The following ZFHX4 variants were observed in gnomAD, a reference collection of about 807,000 sequenced individuals.
ZFHX4 encodes zinc finger homeobox 4.
A neutral mutation model predicts 267.6 loss-of-function variants in ZFHX4; 56 were observed. The ratio of observed to expected loss-of-function variants is 0.21; its 90% CI spans 0.17 to 0.26. The LOEUF is 0.26. Ranked by LOEUF, ZFHX4 falls within the 10% of genes least tolerant of loss-of-function variation. The pLI is 1.00. For missense variants in ZFHX4, 4,332 were observed against 4,420.0 expected (o/e 0.98, Z 0.56); for synonymous variants, 1,778 against 1,665.6 (o/e 1.07, Z -1.64).
intron 3 of ZFHX4, among the ~76,000 whole-genome samples, chr8:76,758,505 T>G (rs1036083275): frequency 3.3e-5 from 5 of 151,830 alleles, no homozygotes; most frequent in Non-Finnish European, 7.4e-5. Context: ...TGTTTGTTTG[T>G]TTTTTTTGAG....
chr8:76,720,963 T>G (rs1808704591), intron 3 of ZFHX4, among the ~76,000 whole-genome samples: 1 of 152,124 alleles, frequency 6.6e-6, no homozygotes, highest in African/African-American at 2.4e-5. Flanking sequence ...GCACCCACGT[T>G]GTTAAATAGA....
intron 4 of ZFHX4, among the ~76,000 whole-genome samples, chr8:76,802,349 G>A (rs1811137380): frequency 6.6e-6 from 1 of 152,144 alleles, no homozygotes; most frequent in South Asian, 2.1e-4. Context: ...ATACAATCGT[G>A]TTTGGCTTGC....
intron 4 of ZFHX4, among the ~76,000 whole-genome samples, chr8:76,805,118 A>G (rs1811213283): frequency 1.3e-5 from 2 of 152,150 alleles, no homozygotes; most frequent in Non-Finnish European, 2.9e-5. Flanking sequence ...GTAAGAAAGT[A>G]GTCCTCATGC....
intron 3 of ZFHX4, among the ~76,000 whole-genome samples, chr8:76,771,856 G>C (rs7010493): frequency 5.9e-5 from 9 of 152,122 alleles, no homozygotes; most frequent in African/African-American, 1.7e-4. Context: ...AGGACTTTGC[G>C]ATAATTTAGA....
chr8:76,820,377 A>C (rs1811617562), intron 4 of ZFHX4, among the ~76,000 whole-genome samples: 1 of 152,098 alleles, frequency 6.6e-6, no homozygotes, highest in African/African-American at 2.4e-5. Context: ...TGCTGTTATC[A>C]TGTATTGTAA....
Position 76,705,492 on chromosome 8 carries a change from A to T in ZFHX4, c.1404A>T (p.Glu468Asp), listed in dbSNP as rs1051317403. Residue 468 changes from glutamate to aspartate, a missense_variant, in exon 2 of 11, where the codon GAA becomes GAT. Around this residue, in one of 7 missense-constraint regions of ZFHX4, gnomAD observed 1,195 missense variants for 1,173.6 expected, o/e 1.02. Transcript: ENST00000651372. ...GECPVKSEPTEPGDEDEEDAY... is the reference protein window; with the variant it reads ...GECPVKSEPTDPGDEDEEDAY... ...GCCCTGTCAAAAGTGAACCCACTGA[A>T]CCGGGAGATGAGGATGAAGAAGATG... 1.2e-6 allele frequency: 2 copies of T among 1,613,802 alleles called. No homozygotes were observed. Among genetic ancestry groups the T allele is most frequent in the Admixed American group, 1.7e-5 (1 of 59,988 alleles).
chr8:76,791,348 G>A (rs1810831130), intron 4 of ZFHX4, among the ~76,000 whole-genome samples: 1 of 152,038 alleles, frequency 6.6e-6, no homozygotes, highest in African/African-American at 2.4e-5. Context: ...CTGTTTCAAA[G>A]AAAACCATTA....
chr8:76,722,209 T>C (rs573097984), intron 3 of ZFHX4, among the ~76,000 whole-genome samples: 61 of 152,108 alleles, frequency 4.0e-4, no homozygotes, highest in Non-Finnish European at 7.7e-4. Flanking sequence ...TTTTTCTTTC[T>C]GTTTTACTGT....
In ZFHX4 at chr8:76,864,488, T is replaced by A; in HGVS notation, c.10774T>A (p.Leu3592Met). The part of the protein sequence containing the change: ...SQKLEDLDNS[L>M]EVKAKPASGL... The stretch of plus-strand genomic sequence containing the variant: ...GAAGCTAGAAGACTTAGATAATTCT[T>A]TGGAAGTGAAGGCTAAGCCTGCTTC... The change falls in exon 11 of 11, where the codon TTG becomes ATG. Residue 3592 changes from leucine (L) to methionine (M), a missense_variant. Physicochemically the swap from Leu to Met is conservative, Grantham distance 15 (BLOSUM62 2). Around this residue, in one of 7 missense-constraint regions of ZFHX4, gnomAD observed 1,648 missense variants for 1,625.0 expected, o/e 1.01. Transcript: ENST00000651372. 1 of 1,613,570 alleles carries A rather than the reference T, an allele frequency of 6.2e-7. No homozygotes were observed. The highest frequency in any genetic ancestry group is 1.1e-5 in the South Asian group (1 of 91,058).
chr8:76,762,775 A>G (rs1809950229), intron 3 of ZFHX4, among the ~76,000 whole-genome samples: 1 of 152,164 alleles, frequency 6.6e-6, no homozygotes, highest in African/African-American at 2.4e-5. Context: ...CTATGCCTAA[A>G]ACATATTGTA....
At chr8:76,731,250 G>C (rs1219288294) in intron 3 of ZFHX4, among the ~76,000 whole-genome samples, 1 of 152,124 alleles carries the variant, frequency 6.6e-6, no homozygotes, top group Non-Finnish European at 1.5e-5. Context: ...CAGCTATCTA[G>C]ACAGTGCTCA....
intron 3 of ZFHX4, among the ~76,000 whole-genome samples, chr8:76,763,074 C>G (rs992362037): frequency 6.6e-6 from 1 of 152,152 alleles, no homozygotes; most frequent in African/African-American, 2.4e-5. Flanking sequence ...TTTATCCCCT[C>G]ACGGCATCCA....
Position 76,772,238 on chromosome 8 carries a change from G to A in ZFHX4, c.3094-5970G>A, listed in dbSNP as rs59443716. On this transcript the variant is annotated intron_variant, in intron 3 of 10. Coordinates refer to ENST00000651372, the MANE Select transcript of ZFHX4 (RefSeq NM_024721.5). Reference sequence around the variant, plus strand: ...AGCGTGGAGGATGAGTAAAAAGGGAGGGAAATCAGTTGTGTTTTTTATTTG... The same window carrying A: ...AGCGTGGAGGATGAGTAAAAAGGGAAGGAAATCAGTTGTGTTTTTTATTTG... Among the ~76,000 whole-genome samples the A allele has an allele frequency of 5.1e-3, 782 of 152,248 alleles. 6 individuals carry two copies. Among genetic ancestry groups the A allele is most frequent in the African/African-American group, 0.018 (728 of 41,564 alleles).
At chr8:76,814,771 G>A (rs1013475415) in intron 4 of ZFHX4, among the ~76,000 whole-genome samples, 9 of 151,946 alleles carry the variant, frequency 5.9e-5, no homozygotes, top group Non-Finnish European at 1.2e-4. Flanking sequence ...CTTTCCCCTC[G>A]TTCAAGCTCC....
chr8:76,691,514 T>C (rs1211773526), intron 1 of ZFHX4, among the ~76,000 whole-genome samples: 1 of 152,138 alleles, frequency 6.6e-6, no homozygotes, highest in Non-Finnish European at 1.5e-5. Context: ...TTTTTGATTC[T>C]GCGTACTTTG....
intron 3 of ZFHX4, among the ~76,000 whole-genome samples, chr8:76,715,503 A>G (rs914547064): frequency 4.6e-5 from 7 of 151,078 alleles, no homozygotes; most frequent in African/African-American, 1.5e-4. Flanking sequence ...AAAAAAAAAA[A>G]AAAAAGAAAT....
chr8:76,699,396 A>G (rs1315293334), intron 1 of ZFHX4, among the ~76,000 whole-genome samples: 1 of 152,086 alleles, frequency 6.6e-6, no homozygotes, highest in Non-Finnish European at 1.5e-5. Flanking sequence ...GTGGAGAAAA[A>G]GTTACACAAT....
At chr8:76,821,490 C>T (rs965636509) in intron 4 of ZFHX4, among the ~76,000 whole-genome samples, 1 of 151,464 alleles carries the variant, frequency 6.6e-6, no homozygotes, top group African/African-American at 2.4e-5. Context: ...CGATAGCTAG[C>T]AGCTTTTAAC....
At position 76,807,191 on chromosome 8, in the gene ZFHX4, AT is replaced by A. The variant is rs376563048; in HGVS notation, c.3326-26139del. Among the ~76,000 whole-genome samples the A allele has an allele frequency of 6.1e-3, 931 of 151,902 alleles. 4 individuals are homozygous for A. The highest frequency in any genetic ancestry group is 0.011 in the Non-Finnish European group (729 of 67,928). ...TTTTATCTGAACATTTGAATCTGTG[AT>A]TTTTTTTACTCCCATCCACTCCAAA... On this transcript the variant is annotated intron_variant, in intron 4 of 10. Transcript: ENST00000651372.
Sources: gnomAD v4.1 joint callset for allele counts (sites outside exome capture counted in the v4.1 genomes callset) on GRCh38, gnomAD v4.1.1 for gene constraint, gnomAD v4.1.1 regional missense constraint, MANE v1.5 for transcripts, NCBI Gene and HGNC (gene_info 2026-07-23, HGNC 2026-07-21) for gene names.